Variants in CNTN5 observed in about 807,000 individuals in gnomAD.
CNTN5 encodes the protein contactin 5, also known as contactin-5.
In CNTN5, 77 loss-of-function variants were observed where a neutral mutation model predicts 129.1. The observed-to-expected ratio is 0.60, with a 90% CI of 0.50 to 0.72. CNTN5 has a LOEUF of 0.72. CNTN5 is among the 30% of genes least tolerant of loss of function. CNTN5 has a pLI of 0.00. For missense variants in CNTN5, 1,478 were observed against 1,328.8 expected (o/e 1.11, Z -1.75); for synonymous variants, 509 against 465.6 (o/e 1.09, Z -1.20).
intron 1 of CNTN5, among the ~76,000 whole-genome samples, chr11:99,294,233 C>T (rs1044856114): frequency 1.3e-5 from 2 of 151,932 alleles, no homozygotes; most frequent in African/African-American, 2.4e-5. Context: ...CTTGTTTGTG[C>T]CCTTGTTTGC....
intron 3 of CNTN5, among the ~76,000 whole-genome samples, chr11:99,755,805 TAAGAAGTATATTTTTATACTG>T (rs1405126206): frequency 6.6e-6 from 1 of 152,058 alleles, no homozygotes; most frequent in African/African-American, 2.4e-5. Flanking sequence ...CTTAACTCCT[TAAGAAGTATATTTTTATACTG>T]AAGAAGTATA....
chr11:99,220,792 C>G (rs1363142220), intron 1 of CNTN5, among the ~76,000 whole-genome samples: 4 of 151,766 alleles, frequency 2.6e-5, no homozygotes, highest in African/African-American at 9.7e-5. Context: ...GTTCTCTTAA[C>G]CCATACAAAT....
In CNTN5 at chr11:99,559,882, A is replaced by G. The variant is rs183907348; in HGVS notation, c.55+3613A>G. On this transcript the variant is annotated intron_variant, in intron 3 of 24. Transcript: ENST00000524871. ...AGTGATAAAAAAGAATGAATTACCA[A>G]TACCAAACTACACAAACATATTAAT... Among the ~76,000 whole-genome samples, 26 of 152,340 alleles carry G rather than the reference A, an allele frequency of 1.7e-4. No individual in the cohort carries two copies. The East Asian group carries it at 5.0e-3, about 29-fold the overall frequency.
At chr11:100,069,484 C>T (rs553162059) in intron 10 of CNTN5, among the ~76,000 whole-genome samples, 29 of 152,166 alleles carry the variant, frequency 1.9e-4, no homozygotes, top group Non-Finnish European at 3.7e-4. Context: ...CATCTTTTTT[C>T]ACATGCTCTC....
chr11:99,641,931 G>C (rs555370052), intron 3 of CNTN5, among the ~76,000 whole-genome samples: 1 of 152,162 alleles, frequency 6.6e-6, no homozygotes, highest in African/African-American at 2.4e-5. Flanking sequence ...TGGTTCAGTT[G>C]AGGGTTGCCA....
chr11:99,087,884 GCAT>G (rs1162061011), intron 1 of CNTN5, among the ~76,000 whole-genome samples: 2 of 152,052 alleles, frequency 1.3e-5, no homozygotes, highest in Non-Finnish European at 2.9e-5. Flanking sequence ...AATTTCACGG[GCAT>G]GCAACCTATG....
chr11:99,441,926 G>A (rs762007541), intron 2 of CNTN5, among the ~76,000 whole-genome samples: 3 of 152,218 alleles, frequency 2.0e-5, no homozygotes, highest in Non-Finnish European at 4.4e-5. Flanking sequence ...GAGATCTGGG[G>A]TTCTCTGCCT....
chr11:100,087,974 T>C, intron 13 of CNTN5, among the ~76,000 whole-genome samples: 1 of 151,810 alleles, frequency 6.6e-6, no homozygotes, highest in East Asian at 1.9e-4. Flanking sequence ...ATTACTCAAT[T>C]ACATGGAAAT....
At chr11:99,828,719 C>G (rs1947046061) in intron 4 of CNTN5, among the ~76,000 whole-genome samples, 1 of 151,838 alleles carries the variant, frequency 6.6e-6, no homozygotes, top group Non-Finnish European at 1.5e-5. Context: ...CTGAAAGAAC[C>G]TTTCATATAT....
At chr11:99,101,663 T>G (rs937248490) in intron 1 of CNTN5, among the ~76,000 whole-genome samples, 1 of 152,216 alleles carries the variant, frequency 6.6e-6, no homozygotes, top group Non-Finnish European at 1.5e-5. Context: ...GTGTCTTATA[T>G]CCAGGTCACA....
At chr11:99,156,276 T>G (rs988003022) in intron 1 of CNTN5, among the ~76,000 whole-genome samples, 2 of 151,972 alleles carry the variant, frequency 1.3e-5, no homozygotes, top group African/African-American at 4.8e-5. Flanking sequence ...AAAAGAAATA[T>G]GGATGGCTAA....
At chr11:99,365,600 T>C (rs1190044163) in intron 2 of CNTN5, among the ~76,000 whole-genome samples, 1 of 152,176 alleles carries the variant, frequency 6.6e-6, no homozygotes, top group Non-Finnish European at 1.5e-5. Flanking sequence ...TCTCTTGGTA[T>C]AAGAAATTGG....
At chr11:99,289,191 A>AT (rs1864066904) in intron 1 of CNTN5, among the ~76,000 whole-genome samples, 1 of 151,892 alleles carries the variant, frequency 6.6e-6, no homozygotes, top group Non-Finnish European at 1.5e-5. Context: ...AAGATTCATT[A>AT]TGCTATTATC....
chr11:99,323,407 A>G (rs1250204827), intron 1 of CNTN5, among the ~76,000 whole-genome samples: 2 of 152,152 alleles, frequency 1.3e-5, no homozygotes, highest in East Asian at 3.9e-4. Flanking sequence ...GGAATTGGAA[A>G]ATGACAACCA....
chr11:99,729,210 T>TG (rs1312287046), intron 3 of CNTN5, among the ~76,000 whole-genome samples: 1 of 152,110 alleles, frequency 6.6e-6, no homozygotes, highest in Non-Finnish European at 1.5e-5. Flanking sequence ...AAATTCCATT[T>TG]GGGGGAAAAG....
chr11:100,321,796 T>C (rs1951701771), intron 21 of CNTN5, among the ~76,000 whole-genome samples: 1 of 152,254 alleles, frequency 6.6e-6, no homozygotes, highest in Admixed American at 6.5e-5. Flanking sequence ...TTGCATTTAC[T>C]GAAATGATCA....
At chr11:99,598,940 C>A (rs1023303605) in intron 3 of CNTN5, among the ~76,000 whole-genome samples, 7 of 151,876 alleles carry the variant, frequency 4.6e-5, no homozygotes, top group African/African-American at 1.5e-4. Context: ...CAAAATTATG[C>A]CTATGATATA....
intron 3 of CNTN5, among the ~76,000 whole-genome samples, chr11:99,644,707 G>T (rs949907844): frequency 9.9e-5 from 15 of 152,022 alleles, no homozygotes; most frequent in Non-Finnish European, 2.9e-5. Context: ...TACTAATTAA[G>T]CAACTGAGCA....
intron 6 of CNTN5, among the ~76,000 whole-genome samples, chr11:99,910,198 A>G (rs974744256): frequency 2.6e-5 from 4 of 152,102 alleles, no homozygotes; most frequent in Non-Finnish European, 2.9e-5. Flanking sequence ...ATAAATGGAC[A>G]TAATAAGCCC....
Sources: gnomAD v4.1 joint callset for allele counts (sites outside exome capture counted in the v4.1 genomes callset) on GRCh38, gnomAD v4.1.1 for gene constraint, MANE v1.5 for transcripts, NCBI Gene and HGNC (gene_info 2026-07-23, HGNC 2026-07-21) for gene names.